ARL13B: variants seen among roughly 807,000 people sequenced by gnomAD.
The protein encoded by ARL13B is ARF like GTPase 13B, also known as ADP-ribosylation factor-like protein 13B.
ARL13B carries 36 observed loss-of-function variants against 56.1 expected under a neutral mutation model. The ratio of observed to expected loss-of-function variants is 0.64; its 90% CI spans 0.49 to 0.85. The LOEUF is 0.85. Ranked by LOEUF, ARL13B falls within the 40% of genes least tolerant of loss-of-function variation. The pLI, the probability that ARL13B is intolerant of heterozygous loss-of-function variation, is 0.00. For missense variants in ARL13B, 519 were observed against 507.1 expected (o/e 1.02, Z -0.23); for synonymous variants, 178 against 171.1 (o/e 1.04, Z -0.32).
chr3:94,026,656 A>T (rs867535760), intron 3 of ARL13B, among the ~76,000 whole-genome samples: 1 of 152,184 alleles, frequency 6.6e-6, no homozygotes, highest in Non-Finnish European at 1.5e-5. Context: ...TGAAGCTCAT[A>T]GTTGTGAAAT....
chr3:93,988,953 G>A (rs1238409675), intron 1 of ARL13B: 8 of 296,096 alleles, frequency 2.7e-5, no homozygotes, highest in Admixed American at 1.4e-4. Flanking sequence ...GCATCTTGGC[G>A]GCAGGAGGGG....
chr3:94,021,237 A>G (rs2076442302), intron 3 of ARL13B, among the ~76,000 whole-genome samples: 1 of 150,934 alleles, frequency 6.6e-6, no homozygotes, highest in Non-Finnish European at 1.5e-5. Flanking sequence ...TCTGTTACCC[A>G]GGCTGGAGTG....
intron 5 of ARL13B, among the ~76,000 whole-genome samples, chr3:94,037,181 G>A (rs762426920): frequency 1.1e-4 from 16 of 152,090 alleles, no homozygotes; most frequent in Non-Finnish European, 2.1e-4. Context: ...ATGACACACA[G>A]GACAGTCTCC....
intron 3 of ARL13B, chr3:94,014,700 T>C (rs1379873186): frequency 1.9e-6 from 3 of 1,612,980 alleles, no homozygotes; most frequent in Non-Finnish European, 1.7e-6. Flanking sequence ...AAACTTCCCA[T>C]TTTCCTTGAT....
intron 1 of ARL13B, among the ~76,000 whole-genome samples, chr3:93,984,904 G>C (rs1174538483): frequency 6.6e-6 from 1 of 152,168 alleles, no homozygotes; most frequent in South Asian, 2.1e-4. Flanking sequence ...GAGCTACTTG[G>C]GGGGCTGAGG....
In ARL13B at chr3:94,036,612, C is replaced by T; in HGVS notation, c.547C>T (p.Leu183Phe). 1 of 1,613,952 alleles carries T rather than the reference C, an allele frequency of 6.2e-7. No individual in the cohort carries two copies. Among genetic ancestry groups the T allele is most frequent in the East Asian group, 2.2e-5 (1 of 44,856 alleles). ...AATTGACAAGTCCATTAAAAAAGGC[C>T]TTTATTGGCTGCTACATGTTATTGC... ...KKIDKSIKKG[L>F]YWLLHVIARD... is the part of the protein sequence containing the mutation. The change falls in exon 5 of 10, where the codon CTT becomes TTT. Residue 183 changes from leucine to phenylalanine, a missense_variant. Transcript: ENST00000394222.
At chr3:93,985,763 T>A (rs1710433697) in intron 1 of ARL13B, among the ~76,000 whole-genome samples, 2 of 152,184 alleles carry the variant, frequency 1.3e-5, no homozygotes, top group South Asian at 4.1e-4. Context: ...TTCCACAGAG[T>A]TAACCTTTAA....
intron 3 of ARL13B, among the ~76,000 whole-genome samples, chr3:94,007,853 A>T (rs1010586012): frequency 6.6e-6 from 1 of 152,180 alleles, no homozygotes; most frequent in South Asian, 2.1e-4. Flanking sequence ...TTATTAGCTC[A>T]GAAGTTCTTT....
intron 3 of ARL13B, among the ~76,000 whole-genome samples, chr3:94,007,025 C>T (rs1342238204): frequency 6.6e-6 from 1 of 152,158 alleles, no homozygotes; most frequent in Non-Finnish European, 1.5e-5. Context: ...TGCCCACAGA[C>T]ATCTGGACCA....
chr3:94,035,052 A>T (rs2076742518), intron 3 of ARL13B, among the ~76,000 whole-genome samples: 1 of 152,160 alleles, frequency 6.6e-6, no homozygotes, highest in South Asian at 2.1e-4. Flanking sequence ...CCTGGCCAAC[A>T]TGGCGAAACC....
At chr3:93,984,191 A>G (rs1426161928) in intron 1 of ARL13B, among the ~76,000 whole-genome samples, 1 of 152,148 alleles carries the variant, frequency 6.6e-6, no homozygotes, top group African/African-American at 2.4e-5. Context: ...CCCTGTCTCT[A>G]CTAAAAATAC....
intron 1 of ARL13B, among the ~76,000 whole-genome samples, chr3:93,991,062 G>A (rs2075867147): frequency 1.3e-5 from 2 of 152,154 alleles, no homozygotes; most frequent in Admixed American, 1.3e-4. Context: ...GTCACTAGAG[G>A]TTGAGCACTT....
At chr3:94,006,973 T>TCAGGTGG (rs1313823554) in intron 3 of ARL13B, among the ~76,000 whole-genome samples, 5 of 151,966 alleles carry the variant, frequency 3.3e-5, no homozygotes, top group African/African-American at 1.2e-4. Context: ...TGTATTAGAG[T>TCAGGTGG]CAGGTGGCAG....
chr3:94,041,876 C>T lies in ARL13B; in HGVS notation c.799-1139C>T, dbSNP rs558606812. Among the ~76,000 whole-genome samples, 14 of 152,132 alleles carry T rather than the reference C, an allele frequency of 9.2e-5. No homozygotes were observed. The East Asian group carries it at 1.9e-3, about 21-fold the overall frequency. ...GAGTTCAAGACCAGCCTGGCCAAGA[C>T]GGTGAAACCCTGTCTCTGCTAAAAA... On this transcript the variant is annotated intron_variant, in intron 6 of 9. Transcript: ENST00000394222.
intron 2 of ARL13B, among the ~76,000 whole-genome samples, chr3:93,999,063 A>G (rs1457074241): frequency 6.6e-6 from 1 of 150,994 alleles, no homozygotes. Flanking sequence ...ATGATGTCAC[A>G]GTAGCTTTTT....
At chr3:94,028,026 A>G (rs1373131403) in intron 3 of ARL13B, among the ~76,000 whole-genome samples, 4 of 152,188 alleles carry the variant, frequency 2.6e-5, no homozygotes, top group Non-Finnish European at 5.9e-5. Context: ...AAGCACATTC[A>G]TAGTCTGTCT....
chr3:93,994,711 T>C lies in ARL13B; in HGVS notation c.60-1163T>C, dbSNP rs576040320. 7.9e-5 allele frequency among the ~76,000 whole-genome samples: 12 copies of C among 152,284 alleles called. No individual in the cohort carries two copies. The South Asian group carries it at 2.5e-3, about 32-fold the overall frequency. ...GGCTTTTGCCAGACTGAGTTTGTTCTTTCCCAGCTTGTGACCCATAGCTAG... is the reference window on the plus strand; with the variant it reads ...GGCTTTTGCCAGACTGAGTTTGTTCCTTCCCAGCTTGTGACCCATAGCTAG... On this transcript the variant is annotated intron_variant, in intron 1 of 9. Transcript: ENST00000394222.
chr3:93,982,780 G>C (rs186254620), intron 1 of ARL13B, among the ~76,000 whole-genome samples: 1 of 152,226 alleles, frequency 6.6e-6, no homozygotes, highest in Admixed American at 6.5e-5. Context: ...ATTTATAATA[G>C]TGGCTGAATA....
In ARL13B at chr3:94,051,011, A is replaced by T. The variant is rs1175814069; in HGVS notation, c.1210+119A>T. 7.2e-6 allele frequency: 6 copies of T among 828,952 alleles called. No individual in the cohort carries two copies. The East Asian group carries it at 1.6e-4, about 22-fold the overall frequency. The allele number at this position is 828,952 out of a possible 1,614,324, so 51.3% of individuals were successfully genotyped here. On this transcript the variant is annotated intron_variant, in intron 9 of 9. Transcript: ENST00000394222. ...TTAGAAGCTTGTCAAATCCACAGCTATCCTTTTTCATTATACGTCTTTTTT... is the reference window on the plus strand; with the variant it reads ...TTAGAAGCTTGTCAAATCCACAGCTTTCCTTTTTCATTATACGTCTTTTTT...
Sources: gnomAD v4.1 joint callset for allele counts (sites outside exome capture counted in the v4.1 genomes callset) on GRCh38, gnomAD v4.1.1 for gene constraint, MANE v1.5 for transcripts, NCBI Gene and HGNC (gene_info 2026-07-23, HGNC 2026-07-21) for gene names.